MBD6: variants seen among roughly 807,000 people sequenced by gnomAD.
MBD6 encodes the protein methyl-CpG binding domain protein 6.
MBD6 carries 22 observed loss-of-function variants against 66.8 expected under a neutral mutation model. That is an observed-to-expected ratio of 0.33 (90% CI 0.24 to 0.47). The LOEUF (loss-of-function observed/expected upper bound fraction) is 0.47. Among genes scored for constraint, MBD6 ranks in the 20% least tolerant of loss-of-function variants. The pLI, the probability that MBD6 is intolerant of heterozygous loss-of-function variation, is 1.00. For synonymous variants in MBD6, 540 were observed against 534.6 expected, an observed-to-expected ratio of 1.01 and a Z score of -0.14; for missense variants, 1,322 against 1,286.9, an observed-to-expected ratio of 1.03 and a Z score of -0.42.
Position 57,527,958 on chromosome 12 carries a change from G to T in MBD6, c.2347G>T (p.Ala783Ser), listed in dbSNP as rs756175736. The T allele has an allele frequency of 6.3e-7, 1 of 1,592,066 alleles. No homozygotes were observed. Among genetic ancestry groups the T allele is most frequent in the South Asian group, 1.1e-5 (1 of 87,698 alleles). Residue 783 changes from alanine (A) to serine (S), a missense_variant, in exon 9 of 13, where the codon GCT becomes TCT. Transcript: ENST00000355673. ...GCTGCAGCTCCTCCCTGGGGGGGGA[G>T]CTCCTCCACCCCTCTCAGAGGCTTC... ...LGLQLLPGGGAPPPLSEASSP... is the reference protein window; with the variant it reads ...LGLQLLPGGGSPPPLSEASSP...
At position 57,525,343 on chromosome 12, in the gene MBD6, T is replaced by C; in HGVS notation, c.380-5T>C. 1 of 1,563,468 alleles carries C rather than the reference T, an allele frequency of 6.4e-7. No individual in the cohort carries two copies. Among genetic ancestry groups the C allele is most frequent in the Non-Finnish European group, 8.6e-7 (1 of 1,161,038 alleles). On this transcript the variant is annotated splice_polypyrimidine_tract_variant and splice_region_variant and intron_variant, in intron 5 of 12. Transcript: ENST00000355673. ...GGCTGACCCTTCATTTTTCATTTAT[T>C]GCAGGAGAGGGAGCGAGCCCCCAAA...
At chr12:57,526,541 G>A (rs1017980654) in intron 6 of MBD6, 25 bp from the exon 7 acceptor site, 11 of 1,512,758 alleles carry the variant, frequency 7.3e-6, no homozygotes, top group African/African-American at 1.4e-5. Flanking sequence ...CCTCCCTTGA[G>A]CTGAATTTCT....
chr12:57,525,054 A>G lies in MBD6; in HGVS notation c.318A>G (p.Lys106=). The G allele has an allele frequency of 6.2e-7, 1 of 1,613,502 alleles. No individual in the cohort carries two copies. The highest frequency in any genetic ancestry group is 8.5e-7 in the Non-Finnish European group (1 of 1,179,808). The change falls in exon 5 of 13, where the codon AAA becomes AAG. Residue 106 remains lysine (K), a synonymous_variant. Transcript: ENST00000355673. The stretch of plus-strand genomic sequence containing the variant: ...CCAAGCTGTGCAACCACCGGCGGAA[A>G]GCTGTTGCTATGGCAACTCTGTACC... ...DMTKLCNHRR[K]AVAMATLYRS...
rs1233168511 is a variant in MBD6 at position 57,526,909 on chromosome 12, C to T, written c.1764C>T (p.Ala588=). 3 of 1,613,788 alleles carry T rather than the reference C, an allele frequency of 1.9e-6. No individual in the cohort carries two copies. The highest frequency in any genetic ancestry group is 1.3e-5 in the African/African-American group (1 of 75,028). The change falls in exon 7 of 13, where the codon GCC becomes GCT. Residue 588 remains alanine, a synonymous_variant. Coordinates refer to ENST00000355673, the MANE Select transcript of MBD6 (RefSeq NM_052897.4). ...PPPGGPGPPL[A]PGEPEGPSLL... ...CAGGAGGACCTGGTCCTCCCCTAGC[C>T]CCAGGAGAGCCTGAAGGGCCTTCGC...
intron 10 of MBD6, 21 bp from the exon 11 acceptor site, chr12:57,528,645 A>T: frequency 6.2e-7 from 1 of 1,614,022 alleles, no homozygotes; most frequent in Non-Finnish European, 8.5e-7. Flanking sequence ...TTTCCCACAC[A>T]CATAGTCCAT....
At position 57,525,656 on chromosome 12, in the gene MBD6, G is replaced by A; in HGVS notation, c.688G>A (p.Gly230Arg). The change falls in exon 6 of 13, where the codon GGA becomes AGA. Residue 230 changes from glycine (G) to arginine (R), a missense_variant. Transcript: ENST00000355673. ...ISLNAPSYNW[G>R]AALRSSLVPS... is the part of the protein sequence containing the mutation. ...CCTCAATGCTCCCTCATACAACTGG[G>A]GAGCTGCCCTCAGATCCAGCCTGGT... 6.2e-7 allele frequency: 1 copy of A among 1,613,924 alleles called. No homozygotes were observed. Among genetic ancestry groups the A allele is most frequent in the Non-Finnish European group, 8.5e-7 (1 of 1,179,946 alleles).
In MBD6 at chr12:57,525,391, G is replaced by C; in HGVS notation, c.423G>C (p.Gly141=). 6.5e-7 allele frequency: 1 copy of C among 1,544,364 alleles called. No homozygotes were observed. Residue 141 remains glycine, a synonymous_variant, in exon 6 of 13, where the codon GGG becomes GGC. Coordinates refer to ENST00000355673, the MANE Select transcript of MBD6 (RefSeq NM_052897.4). ...AAATGTTCCACACTGTGTCCCCAGG[G>C]CCCCCCTCTGCCCGCCCTCCCTGTC... ...SPQMFHTVSP[G]PPSARPPCRV... is the part of the protein sequence containing the mutation.
At position 57,526,895 on chromosome 12, in the gene MBD6, G is replaced by T. The variant is rs759200978; in HGVS notation, c.1750G>T (p.Gly584Cys). 6.2e-7 allele frequency: 1 copy of T among 1,613,404 alleles called. No homozygotes were observed. Among genetic ancestry groups the T allele is most frequent in the Non-Finnish European group, 8.5e-7 (1 of 1,179,844 alleles). ...CCTGCTACCCCCACCAGGAGGACCT[G>T]GTCCTCCCCTAGCCCCAGGAGAGCC... The part of the protein sequence containing the change: ...EPLLPPPGGP[G>C]PPLAPGEPEG... Residue 584 changes from glycine (G) to cysteine (C), a missense_variant, in exon 7 of 13, where the codon GGT (glycine) becomes TGT (cysteine). Physicochemically the swap from Gly to Cys is radical, Grantham distance 159 (BLOSUM62 -3). Transcript: ENST00000355673.
intron 5 of MBD6, 67 bp downstream of exon 5, chr12:57,525,182 G>A: frequency 6.4e-7 from 1 of 1,562,092 alleles, no homozygotes; most frequent in Non-Finnish European, 8.7e-7. Context: ...GGTGGTGGGA[G>A]GAGTTCCTTG....
chr12:57,527,799 C>T (rs375309223), intron 8 of MBD6, 49 bp from the exon 9 acceptor site: 98 of 1,599,030 alleles, frequency 6.1e-5, no homozygotes, highest in Non-Finnish European at 6.0e-5. Context: ...GTCTGCTCAG[C>T]CTAATTGGTT....
rs1879229604 is a variant in MBD6, at chr12:57,528,462, A to G, written c.2722A>G (p.Arg908Gly). Residue 908 changes from arginine (R) to glycine (G), a missense_variant, in exon 10 of 13, where the codon AGA becomes GGA. By Grantham distance (125) the Arg-to-Gly change is moderately radical. Transcript: ENST00000355673. ...CAATGGACAAATGGAAAGGTCCCCAAGAAGAACCCACCATTGGCAGCATAA... is the reference window on the plus strand; with the variant it reads ...CAATGGACAAATGGAAAGGTCCCCAGGAAGAACCCACCATTGGCAGCATAA... ...GFNGQMERSP[R>G]RTHHWQHNGE... 6.2e-7 allele frequency: 1 copy of G among 1,613,772 alleles called. No individual in the cohort carries two copies.
rs1342909501 is a variant in MBD6 at position 57,526,295 on chromosome 12, C to G, written c.1327C>G (p.Pro443Ala). The change falls in exon 6 of 13, where the codon CCA (proline) becomes GCA (alanine). Residue 443 changes from proline to alanine, a missense_variant. Physicochemically the swap from Pro to Ala is conservative, Grantham distance 27. Coordinates refer to ENST00000355673, the MANE Select transcript of MBD6 (RefSeq NM_052897.4). ...LGSDAHLPPP[P>A]TLSSGSPPQP... ...GTCAGATGCACACCTTCCTCCTCCC[C>G]CAACCCTCTCCTCAGGGAGCCCTCC... 5.6e-6 allele frequency: 9 copies of G among 1,613,746 alleles called. No individual in the cohort carries two copies. The highest frequency in any genetic ancestry group is 5.0e-5 in the Admixed American group (3 of 59,956).
At position 57,525,706 on chromosome 12, in the gene MBD6, G is replaced by A. The variant is rs774678759; in HGVS notation, c.738G>A (p.Pro246=). ...TGCCCTCTGACCTGGGCTCTCCTCCGGCCCCTCATGCCTCCTCCTCACCAC... is the reference window on the plus strand; with the variant it reads ...TGCCCTCTGACCTGGGCTCTCCTCCAGCCCCTCATGCCTCCTCCTCACCAC... ...SLVPSDLGSP[P]APHASSSPPS... is the part of the protein sequence containing the mutation. Residue 246 remains proline, a synonymous_variant, in exon 6 of 13, where the codon CCG becomes CCA. Coordinates refer to ENST00000355673, the MANE Select transcript of MBD6 (RefSeq NM_052897.4). 17 of 1,613,754 alleles carry A rather than the reference G, an allele frequency of 1.1e-5. No individual in the cohort carries two copies. The highest frequency in any genetic ancestry group is 3.3e-5 in the South Asian group (3 of 91,076).
At position 57,529,485 on chromosome 12, in the gene MBD6, A is replaced by G; in HGVS notation, c.*251A>G. Reference sequence around the variant, plus strand: ...TGAAAAGGCCTGGGGGGGATGGTATATGGCCCTTTCCCCACCAGGCGCTAA... The same window carrying G: ...TGAAAAGGCCTGGGGGGGATGGTATGTGGCCCTTTCCCCACCAGGCGCTAA... On this transcript the variant is annotated 3_prime_UTR_variant, in exon 13 of 13. Transcript: ENST00000355673. 7.3e-6 allele frequency: 3 copies of G among 412,752 alleles called. No homozygotes were observed. In the South Asian group the frequency reaches 1.2e-4, roughly 16 times the overall value. The allele number at this position is 412,752 out of a possible 1,614,324, so 25.6% of individuals were successfully genotyped here.
Position 57,526,413 on chromosome 12 carries a change from C to T in MBD6, c.1420+25C>T, listed in dbSNP as rs755648291. The T allele has an allele frequency of 2.3e-5, 35 of 1,542,792 alleles. No homozygotes were observed. In the South Asian group the frequency reaches 4.2e-4, roughly 18 times the overall value. On this transcript the variant is annotated intron_variant, in intron 6 of 12. Transcript: ENST00000355673. ...GGTATGTGAGTATTGTGGAGCCCTT[C>T]CTCATCCTGGCTGGAAAGAGGCAGC...
downstream of MBD6, among the ~76,000 whole-genome samples, chr12:57,531,532 TAAG>T (rs1463185978): frequency 6.6e-6 from 1 of 151,800 alleles, no homozygotes; most frequent in Non-Finnish European, 1.5e-5. Flanking sequence ...TAAAAAACAA[TAAG>T]AAATTGTGGA....
At position 57,526,305 on chromosome 12, in the gene MBD6, C is replaced by G. The variant is rs1878948667; in HGVS notation, c.1337C>G (p.Ser446Cys). 1 of 1,613,458 alleles carries G rather than the reference C, an allele frequency of 6.2e-7. No individual in the cohort carries two copies. The highest frequency in any genetic ancestry group is 1.3e-5 in the African/African-American group (1 of 74,804). ...CACCTTCCTCCTCCCCCAACCCTCT[C>G]CTCAGGGAGCCCTCCCCAGCCCAGG... ...DAHLPPPPTL[S>C]SGSPPQPRHP... Residue 446 changes from serine (S) to cysteine (C), a missense_variant, in exon 6 of 13, where the codon TCC (serine) becomes TGC (cysteine). Transcript: ENST00000355673.
chr12:57,524,354 G>A lies in MBD6; in HGVS notation c.51G>A (p.Val17=). 1 of 1,597,146 alleles carries A rather than the reference G, an allele frequency of 6.3e-7. No homozygotes were observed. Among genetic ancestry groups the A allele is most frequent in the Non-Finnish European group, 8.5e-7 (1 of 1,171,978 alleles). ...GAGCAGACAGAGCTGGGGGCCCTGT[G>A]GCCACATCTGTCCCCATCGGCTGGC... ...SSGADRAGGP[V]ATSVPIGWQR... is the part of the protein sequence containing the mutation. Residue 17 remains valine (V), a synonymous_variant, in exon 3 of 13, where the codon GTG becomes GTA. Coordinates refer to ENST00000355673, the MANE Select transcript of MBD6 (RefSeq NM_052897.4).
rs1878886110 is a variant in MBD6 at position 57,525,875 on chromosome 12, C to A, written c.907C>A (p.Pro303Thr). Residue 303 changes from proline to threonine, a missense_variant, in exon 6 of 13, where the codon CCC (proline) becomes ACC (threonine). Coordinates refer to ENST00000355673, the MANE Select transcript of MBD6 (RefSeq NM_052897.4). ...ATMHLPLVLGPLGGAPTVEGP... is the reference protein window; with the variant it reads ...ATMHLPLVLGTLGGAPTVEGP... Reference sequence around the variant, plus strand: ...TATGCACCTGCCCCTGGTCCTGGGGCCCCTGGGAGGGGCCCCCACGGTGGA... The same window carrying A: ...TATGCACCTGCCCCTGGTCCTGGGGACCCTGGGAGGGGCCCCCACGGTGGA... 6.2e-7 allele frequency: 1 copy of A among 1,605,746 alleles called. No individual in the cohort carries two copies. Among genetic ancestry groups the A allele is most frequent in the Admixed American group, 1.7e-5 (1 of 59,590 alleles).
Sources: gnomAD v4.1 joint callset for allele counts (sites outside exome capture counted in the v4.1 genomes callset) on GRCh38, gnomAD v4.1.1 for gene constraint, MANE v1.5 for transcripts, NCBI Gene and HGNC (gene_info 2026-07-23, HGNC 2026-07-21) for gene names.